The following PLPPR1 variants were observed in gnomAD, a reference collection of about 807,000 sequenced individuals.
PLPPR1 encodes phospholipid phosphatase related 1, also known as phospholipid phosphatase-related protein type 1.
PLPPR1 carries 10 observed loss-of-function variants against 33.1 expected under a neutral mutation model. That is an observed-to-expected ratio of 0.30 (90% CI 0.19 to 0.51). The LOEUF is 0.51. Among genes scored for constraint, PLPPR1 ranks in the 20% least tolerant of loss-of-function variants. PLPPR1 has a pLI of 0.97. For missense variants in PLPPR1, 304 were observed against 408.1 expected, an observed-to-expected ratio of 0.74 and a Z score of 2.20; for synonymous variants, 151 against 151.0, an observed-to-expected ratio of 1.00 and a Z score of 0.00.
chr9:101,119,021 G>C (rs956244067), intron 1 of PLPPR1, among the ~76,000 whole-genome samples: 1 of 152,156 alleles, frequency 6.6e-6, no homozygotes, highest in Non-Finnish European at 1.5e-5. Context: ...GGGGCTCAGA[G>C]AGTAAGTTGC....
chr9:101,080,961 T>G (rs141509572), intron 1 of PLPPR1, among the ~76,000 whole-genome samples: 1 of 152,286 alleles, frequency 6.6e-6, no homozygotes, highest in East Asian at 1.9e-4. Context: ...TCTGGTGCCA[T>G]TGATTCCGGA....
At chr9:101,301,072 T>C (rs924737676) in intron 4 of PLPPR1, among the ~76,000 whole-genome samples, 5 of 152,234 alleles carry the variant, frequency 3.3e-5, no homozygotes, top group African/African-American at 4.8e-5. Context: ...TGTTCTTTTG[T>C]TTATAAAAAT....
chr9:101,094,612 G>A (rs1830791088), intron 1 of PLPPR1, among the ~76,000 whole-genome samples: 2 of 152,052 alleles, frequency 1.3e-5, no homozygotes, highest in South Asian at 2.1e-4. Context: ...TTATATAGTT[G>A]TTGAATTAAT....
rs147843860 is a variant in PLPPR1 at position 101,081,929 on chromosome 9, G to T, written c.-46+52827G>T. Among the ~76,000 whole-genome samples, 49 of 152,306 alleles carry T rather than the reference G, an allele frequency of 3.2e-4. No individual in the cohort carries two copies. The East Asian group carries it at 4.4e-3, about 14-fold the overall frequency. On this transcript the variant is annotated intron_variant, in intron 1 of 7. Transcript: ENST00000374874. Reference sequence around the variant, plus strand: ...TAAGGCACAACAATTGGTGCAAGAAGAAGCACACTCTTTTCTTTGTCTGGA... The same window carrying T: ...TAAGGCACAACAATTGGTGCAAGAATAAGCACACTCTTTTCTTTGTCTGGA...
chr9:101,288,069 C>G (rs1828426886), intron 4 of PLPPR1, among the ~76,000 whole-genome samples: 1 of 152,024 alleles, frequency 6.6e-6, no homozygotes, highest in Non-Finnish European at 1.5e-5. Flanking sequence ...TGTGACCCAC[C>G]CACTTGGAGC....
At chr9:101,039,902 G>A (rs1338851492) in intron 1 of PLPPR1, among the ~76,000 whole-genome samples, 2 of 144,174 alleles carry the variant, frequency 1.4e-5, no homozygotes, top group African/African-American at 5.3e-5. Flanking sequence ...GTGGGGACAC[G>A]GCCAAACCGT....
rs1564167595 is a variant in PLPPR1 at position 101,180,137 on chromosome 9, TATATATACACACAC to T, written c.-45-5311_-45-5298del. Among the ~76,000 whole-genome samples, 40 of 41,324 alleles carry T rather than the reference TATATATACACACAC, an allele frequency of 9.7e-4. 1 individual carries two copies. The highest frequency in any genetic ancestry group is 4.9e-3 in the African/African-American group (36 of 7,390). 27.1% of individuals were successfully genotyped at this position (41,324 alleles called of 152,430 possible). On this transcript the variant is annotated intron_variant, in intron 1 of 7. Coordinates refer to ENST00000374874, the MANE Select transcript of PLPPR1 (RefSeq NM_207299.2). ...ATATATATATATATATATATATATA[TATATATACACACAC>T]ACACACACACATACACACACACACA...
At chr9:101,320,115 T>C (rs1244073708) in intron 7 of PLPPR1, among the ~76,000 whole-genome samples, 1 of 152,242 alleles carries the variant, frequency 6.6e-6, no homozygotes, top group Non-Finnish European at 1.5e-5. Flanking sequence ...ATTCACAAGA[T>C]AAAGGATTCT....
chr9:101,291,423 T>G (rs2118923873), intron 4 of PLPPR1, among the ~76,000 whole-genome samples: 1 of 152,300 alleles, frequency 6.6e-6, no homozygotes, highest in East Asian at 1.9e-4. Context: ...GTCTGACAGC[T>G]TTGAAAAGAG....
At chr9:101,042,924 A>G (rs1385103112) in intron 1 of PLPPR1, among the ~76,000 whole-genome samples, 1 of 151,802 alleles carries the variant, frequency 6.6e-6, no homozygotes, top group East Asian at 1.9e-4. Context: ...TTCCCTTTGC[A>G]TTTTTTTCCA....
At chr9:101,046,753 A>G (rs1830155545) in intron 1 of PLPPR1, among the ~76,000 whole-genome samples, 1 of 151,974 alleles carries the variant, frequency 6.6e-6, no homozygotes, top group Admixed American at 6.6e-5. Flanking sequence ...TACCTCTTTT[A>G]GTGTTACAAA....
intron 1 of PLPPR1, among the ~76,000 whole-genome samples, chr9:101,049,297 G>A (rs1285401213): frequency 6.6e-6 from 1 of 152,172 alleles, no homozygotes; most frequent in African/African-American, 2.4e-5. Context: ...CAGTGATACA[G>A]CATTTAGTAG....
Position 101,056,422 on chromosome 9 carries a change from A to C in PLPPR1, c.-46+27320A>C, listed in dbSNP as rs142231982. ...AAATCCTGAGAGAATTTGTTTAGGT[A>C]ATTAAAAAAAAAATCAAAGAGATTG... On this transcript the variant is annotated intron_variant, in intron 1 of 7. Coordinates refer to ENST00000374874, the MANE Select transcript of PLPPR1 (RefSeq NM_207299.2). 5.5e-3 allele frequency among the ~76,000 whole-genome samples: 833 copies of C among 152,226 alleles called. 24 individuals carry two copies. The highest frequency in any genetic ancestry group is 0.032 in the Admixed American group (484 of 15,288).
At chr9:101,300,662 T>C (rs1429397167) in intron 4 of PLPPR1, among the ~76,000 whole-genome samples, 3 of 152,180 alleles carry the variant, frequency 2.0e-5, no homozygotes, top group African/African-American at 7.2e-5. Flanking sequence ...AAACATGGAA[T>C]CACAAAAGCC....
rs140875162 is a variant in PLPPR1, at chr9:101,256,515, C to T, written c.64-13365C>T. On this transcript the variant is annotated intron_variant, in intron 2 of 7. Coordinates refer to ENST00000374874, the MANE Select transcript of PLPPR1 (RefSeq NM_207299.2). ...CAGACAGCCACTGCTGACGGCTTCA[C>T]CAGAATTGCTCCAAAGCAACCCAGA... Among the ~76,000 whole-genome samples, 5 of 152,210 alleles carry T rather than the reference C, an allele frequency of 3.3e-5. No individual in the cohort carries two copies. In the East Asian group the frequency reaches 7.7e-4, roughly 24 times the overall value.
At chr9:101,169,465 G>A (rs575622225) in intron 1 of PLPPR1, among the ~76,000 whole-genome samples, 11 of 152,104 alleles carry the variant, frequency 7.2e-5, no homozygotes, top group South Asian at 2.1e-4. Flanking sequence ...AGTTCTCCTC[G>A]TGGTGGACCG....
chr9:101,053,013 C>T (rs990118620), intron 1 of PLPPR1, among the ~76,000 whole-genome samples: 7 of 152,110 alleles, frequency 4.6e-5, no homozygotes, highest in East Asian at 1.9e-4. Flanking sequence ...AAGGACAGGG[C>T]GGAGGCAGCA....
rs573326428 is a variant in PLPPR1 at position 101,037,294 on chromosome 9, A to T, written c.-46+8192A>T. On this transcript the variant is annotated intron_variant, in intron 1 of 7. Coordinates refer to ENST00000374874, the MANE Select transcript of PLPPR1 (RefSeq NM_207299.2). ...GTCCATATTGTATATTGCCTCCATT[A>T]TGTTAGAAAGGGCTTTTTCTCTGGG... is the stretch of plus-strand genomic sequence containing the variant. 6.6e-5 allele frequency among the ~76,000 whole-genome samples: 10 copies of T among 152,222 alleles called. No individual in the cohort carries two copies. The South Asian group carries it at 2.1e-3, about 32-fold the overall frequency.
intron 1 of PLPPR1, among the ~76,000 whole-genome samples, chr9:101,112,381 A>G (rs1473111867): frequency 6.6e-6 from 1 of 152,210 alleles, no homozygotes; most frequent in Non-Finnish European, 1.5e-5. Flanking sequence ...TGCTGTCCTT[A>G]CCTATTTAGT....
Sources: allele counts gnomAD v4.1 joint callset (sites outside exome capture counted in the v4.1 genomes callset), GRCh38; gene constraint gnomAD v4.1.1; transcripts MANE v1.5; gene names NCBI Gene and HGNC (gene_info 2026-07-23, HGNC 2026-07-21).